The following CDH13 variants were observed in gnomAD, a reference collection of about 807,000 sequenced individuals.
CDH13 encodes the protein cadherin-13.
Under a neutral mutation model 63.8 loss-of-function variants are expected in CDH13, and 24 were observed. That is an observed-to-expected ratio of 0.38 (90% CI 0.27 to 0.53). The LOEUF (loss-of-function observed/expected upper bound fraction) is 0.53, where lower values mean the gene tolerates loss of function less well. Ranked by LOEUF, CDH13 falls within the 20% of genes least tolerant of loss-of-function variation. The pLI, the probability that CDH13 is intolerant of heterozygous loss-of-function variation, is 0.85. For missense variants in CDH13, 1,049 were observed against 903.1 expected (o/e 1.16, Z -2.07); for synonymous variants, 503 against 355.3 (o/e 1.42, Z -4.67).
chr16:83,597,602 T>A (rs756452912), intron 7 of CDH13, among the ~76,000 whole-genome samples: 1 of 152,206 alleles, frequency 6.6e-6, no homozygotes, highest in South Asian at 2.1e-4. Context: ...TTGCTTACAA[T>A]AATTGGATAT....
intron 2 of CDH13, among the ~76,000 whole-genome samples, chr16:82,952,549 A>C (rs770429615): frequency 1.2e-4 from 19 of 152,232 alleles, no homozygotes; most frequent in Non-Finnish European, 2.2e-4. Context: ...GAGAATAACC[A>C]TAACTTTTCT....
intron 5 of CDH13, among the ~76,000 whole-genome samples, chr16:83,295,405 C>T (rs1436618052): frequency 1.3e-5 from 2 of 151,794 alleles, no homozygotes; most frequent in African/African-American, 4.8e-5. Flanking sequence ...TTCTGCACAG[C>T]AAATGAAACA....
intron 7 of CDH13, among the ~76,000 whole-genome samples, chr16:83,577,814 G>A (rs559622798): frequency 9.9e-5 from 15 of 152,112 alleles, no homozygotes; most frequent in African/African-American, 2.2e-4. Context: ...TAAATAATAC[G>A]TGTTTACTGT....
At chr16:83,116,518 A>T (rs1234527777) in intron 3 of CDH13, among the ~76,000 whole-genome samples, 1 of 151,170 alleles carries the variant, frequency 6.6e-6, no homozygotes, top group Non-Finnish European at 1.5e-5. Flanking sequence ...TCACATCAGC[A>T]ATGAAAGAGG....
chr16:82,862,568 C>G (rs991173644), intron 2 of CDH13, among the ~76,000 whole-genome samples: 1 of 141,740 alleles, frequency 7.1e-6, no homozygotes, highest in African/African-American at 2.6e-5. Context: ...ACTTTTTTTT[C>G]TTACCCTTGT....
rs145508413 is a variant in CDH13, at chr16:82,696,762, G to C, written c.45+69625G>C. ...TTAGAAATTTTCCCCAAATTTAGTG[G>C]CTTACAAGCAAGTATTATTACAGAA... is the stretch of plus-strand genomic sequence containing the variant. On this transcript the variant is annotated intron_variant, in intron 1 of 13. Transcript: ENST00000567109. Among the ~76,000 whole-genome samples the C allele has an allele frequency of 3.3e-5, 5 of 152,254 alleles. No individual in the cohort carries two copies. The East Asian group carries it at 9.7e-4, about 29-fold the overall frequency.
At chr16:83,542,054 C>T (rs983660453) in intron 7 of CDH13, among the ~76,000 whole-genome samples, 1 of 152,168 alleles carries the variant, frequency 6.6e-6, no homozygotes, top group Non-Finnish European at 1.5e-5. Context: ...AGGCCATGGG[C>T]CACCATGGCA....
chr16:82,705,262 C>T, intron 1 of CDH13: 1 of 424,206 alleles, frequency 2.4e-6, no homozygotes, highest in Non-Finnish European at 4.7e-6. Context: ...CTTCAAGAGA[C>T]CACGTTGGAC....
intron 7 of CDH13, among the ~76,000 whole-genome samples, chr16:83,503,796 T>G (rs1020867029): frequency 6.6e-6 from 1 of 152,072 alleles, no homozygotes; most frequent in Non-Finnish European, 1.5e-5. Context: ...ATATAAGACC[T>G]TTGCCAGATG....
chr16:83,171,094 C>A (rs9931140), intron 4 of CDH13, among the ~76,000 whole-genome samples: 1 of 151,932 alleles, frequency 6.6e-6, no homozygotes, highest in African/African-American at 2.4e-5. Context: ...TTAATTCGCT[C>A]GTGGTTCTGC....
chr16:83,099,431 C>T lies in CDH13; in HGVS notation c.367-25954C>T, dbSNP rs190796227. On this transcript the variant is annotated intron_variant, in intron 3 of 13. Transcript: ENST00000567109. ...CTCCGCCTCCTGGGTTCAAGTGATT[C>T]TCCTGCCTCAGCCTCCAGAGTAGCT... 3.5e-3 allele frequency among the ~76,000 whole-genome samples: 526 copies of T among 151,912 alleles called. 3 individuals are homozygous for T. Among genetic ancestry groups the T allele is most frequent in the Admixed American group, 5.9e-3 (90 of 15,236 alleles).
intron 1 of CDH13, among the ~76,000 whole-genome samples, chr16:82,643,713 C>G (rs145995035): frequency 5.9e-4 from 90 of 152,094 alleles, no homozygotes; most frequent in Non-Finnish European, 1.0e-3. Context: ...CTGCAAAGCT[C>G]TCAGAGACTG....
At chr16:82,870,943 G>A (rs2040322702) in intron 2 of CDH13, among the ~76,000 whole-genome samples, 1 of 152,108 alleles carries the variant, frequency 6.6e-6, no homozygotes, top group Admixed American at 6.5e-5. Context: ...ATATCCAGTA[G>A]GCTTCCTAGT....
At chr16:82,681,210 A>G (rs1001275109) in intron 1 of CDH13, among the ~76,000 whole-genome samples, 2 of 152,266 alleles carry the variant, frequency 1.3e-5, no homozygotes, top group East Asian at 1.9e-4. Flanking sequence ...CTTACATGCA[A>G]TAACAGGGAT....
At chr16:83,166,340 C>T (rs2037668030) in intron 4 of CDH13, among the ~76,000 whole-genome samples, 1 of 152,012 alleles carries the variant, frequency 6.6e-6, no homozygotes, top group South Asian at 2.1e-4. Context: ...GGGGCTTAAG[C>T]AGAAATGGGC....
intron 10 of CDH13, among the ~76,000 whole-genome samples, chr16:83,746,148 C>T (rs1006393412): frequency 3.9e-5 from 6 of 152,216 alleles, no homozygotes; most frequent in Non-Finnish European, 8.8e-5. Context: ...GAAATTTATT[C>T]TCCCACAGTT....
intron 7 of CDH13, among the ~76,000 whole-genome samples, chr16:83,599,593 A>G (rs1907588671): frequency 6.6e-6 from 1 of 152,236 alleles, no homozygotes; most frequent in Non-Finnish European, 1.5e-5. Context: ...TAAAATTGTC[A>G]ACATTTTGAA....
chr16:83,105,429 C>T (rs752111064), intron 3 of CDH13, among the ~76,000 whole-genome samples: 1 of 152,326 alleles, frequency 6.6e-6, no homozygotes, highest in East Asian at 1.9e-4. Context: ...ACAGCCAGCA[C>T]TGCCTTCTGC....
intron 10 of CDH13, among the ~76,000 whole-genome samples, chr16:83,715,347 A>G (rs3784956): frequency 0.13 from 20,226 of 152,158 alleles, 1,561 homozygotes; most frequent in Middle Eastern, 0.26. Context: ...GCAAGAATCC[A>G]TCTACTTTAT....
Sources: gnomAD v4.1 joint callset for allele counts (sites outside exome capture counted in the v4.1 genomes callset) on GRCh38, gnomAD v4.1.1 for gene constraint, MANE v1.5 for transcripts, NCBI Gene and HGNC (gene_info 2026-07-23, HGNC 2026-07-21) for gene names.